The following SPHKAP variants were observed in gnomAD, a reference collection of about 807,000 sequenced individuals.
SPHKAP encodes the protein A-kinase anchor protein SPHKAP.
In SPHKAP, 67 loss-of-function variants were observed where a neutral mutation model predicts 137.5. The observed-to-expected ratio is 0.49, with a 90% CI of 0.40 to 0.60. SPHKAP has a LOEUF of 0.60. Among genes scored for constraint, SPHKAP ranks in the 20% least tolerant of loss-of-function variants. SPHKAP has a pLI of 0.00. For synonymous variants in SPHKAP, 813 were observed against 785.3 expected (o/e 1.04, Z -0.59); for missense variants, 2,097 against 2,069.3 (o/e 1.01, Z -0.26).
Position 228,123,610 on chromosome 2 carries a change from C to A in SPHKAP, c.138+8370G>T, listed in dbSNP as rs565189220. On this transcript the variant is annotated intron_variant, in intron 2 of 11. Coordinates refer to ENST00000392056, the MANE Select transcript of SPHKAP (RefSeq NM_001142644.2). ...GAAACACAGTGAAAGTACTTCTTAGCTTCTCAGAATTATTGGTGGGGCTCT... is the reference window on the plus strand; with the variant it reads ...GAAACACAGTGAAAGTACTTCTTAGATTCTCAGAATTATTGGTGGGGCTCT... Among the ~76,000 whole-genome samples, 3 of 152,266 alleles carry A rather than the reference C, an allele frequency of 2.0e-5. No individual in the cohort carries two copies. The South Asian group carries it at 6.2e-4, about 32-fold the overall frequency.
chr2:228,003,380 A>G (rs1314345834), intron 7 of SPHKAP, among the ~76,000 whole-genome samples: 1 of 152,152 alleles, frequency 6.6e-6, no homozygotes, highest in Non-Finnish European at 1.5e-5. Flanking sequence ...TTATTGGTGT[A>G]TAAGAATGCT....
chr2:228,181,440 G>T lies in SPHKAP; in HGVS notation c.32+127C>A. On this transcript the variant is annotated intron_variant, in intron 1 of 11. Transcript: ENST00000392056. The surrounding 1 kb of genome is among the most constrained non-coding windows in gnomAD (Gnocchi z 4.3). ...GGCCGGACTTATTTACAAGTGCAGT[G>T]ACCCCTGTCTCCTCGCTGGGAGCCC... 1 of 1,297,852 alleles carries T rather than the reference G, an allele frequency of 7.7e-7. No homozygotes were observed. Among genetic ancestry groups the T allele is most frequent in the Non-Finnish European group, 1.1e-6 (1 of 895,534 alleles). The allele number at this position is 1,297,852 out of a possible 1,614,324, so 80.4% of individuals were successfully genotyped here. A position where few individuals can be genotyped will look rare whatever the true frequency, so the allele number is the denominator to read the frequency against.
chr2:228,170,299 C>G (rs937204964), intron 1 of SPHKAP, among the ~76,000 whole-genome samples: 6 of 152,134 alleles, frequency 3.9e-5, no homozygotes, highest in Non-Finnish European at 8.8e-5. Flanking sequence ...GTTTAGAAAA[C>G]TTAATTTGAT....
At chr2:228,118,604 A>C (rs1698797853) in intron 2 of SPHKAP, among the ~76,000 whole-genome samples, 1 of 151,978 alleles carries the variant, frequency 6.6e-6, no homozygotes, top group African/African-American at 2.4e-5. Context: ...GGTTTGTTTT[A>C]CTTTCCATTT....
At chr2:228,007,985 T>C (rs1220956863) in intron 7 of SPHKAP, among the ~76,000 whole-genome samples, 2 of 152,182 alleles carry the variant, frequency 1.3e-5, no homozygotes, top group Non-Finnish European at 2.9e-5. Context: ...GAAAAACTCC[T>C]TGACTTAAAC....
At position 228,018,553 on chromosome 2, in the gene SPHKAP, T is replaced by G; in HGVS notation, c.2301A>C (p.Glu767Asp). 1.2e-6 allele frequency: 2 copies of G among 1,613,800 alleles called. No individual in the cohort carries two copies. Among genetic ancestry groups the G allele is most frequent in the Non-Finnish European group, 1.7e-6 (2 of 1,179,806 alleles). Reference protein sequence around the residue: ...GASQAWTKATESSSSSPLSNS... With the variant: ...GASQAWTKATDSSSSSPLSNS... ...TGCTAAGTGGAGAGCTGCTGGAGGA[T>G]TCAGTGGCTTTTGTCCAAGCTTGAC... Residue 767 changes from glutamate (E) to aspartate (D), a missense_variant, in exon 7 of 12, where the codon GAA becomes GAC. Glu to Asp is a conservative substitution (Grantham distance 45, BLOSUM62 2). Transcript: ENST00000392056.
At chr2:228,030,127 C>T (rs1174932002) in intron 3 of SPHKAP, among the ~76,000 whole-genome samples, 1 of 152,192 alleles carries the variant, frequency 6.6e-6, no homozygotes, top group Non-Finnish European at 1.5e-5. Context: ...CTTGCTTATA[C>T]TTCTCATGCA....
chr2:227,996,775 C>T lies in SPHKAP; in HGVS notation c.4449-1081G>A, dbSNP rs149613337. ...GCAGTCTTCCAATTTCTCCTCTTTG[C>T]CCTTTACATTCAATAAATTTCTTTG... On this transcript the variant is annotated intron_variant, in intron 7 of 11. Transcript: ENST00000392056. 5.8e-3 allele frequency among the ~76,000 whole-genome samples: 886 copies of T among 152,314 alleles called. 8 individuals carry two copies. Among genetic ancestry groups the T allele is most frequent in the African/African-American group, 0.02 (847 of 41,568 alleles).
chr2:228,023,259 T>C (rs1694908324), intron 5 of SPHKAP, among the ~76,000 whole-genome samples: 1 of 152,220 alleles, frequency 6.6e-6, no homozygotes. Context: ...AAAATTCCCC[T>C]AAATGCATAT....
intron 2 of SPHKAP, among the ~76,000 whole-genome samples, chr2:228,117,757 A>G (rs560628536): frequency 6.6e-6 from 1 of 151,798 alleles, no homozygotes; most frequent in East Asian, 1.9e-4. Context: ...CCTCAAATCC[A>G]TCCTTCTCCT....
chr2:228,170,100 A>T (rs1432021382), intron 1 of SPHKAP, among the ~76,000 whole-genome samples: 1 of 152,114 alleles, frequency 6.6e-6, no homozygotes, highest in Non-Finnish European at 1.5e-5. Flanking sequence ...ATTTGATAGA[A>T]ATAGTAAGAA....
chr2:228,072,808 T>C (rs1697045672), intron 3 of SPHKAP, among the ~76,000 whole-genome samples: 1 of 152,224 alleles, frequency 6.6e-6, no homozygotes, highest in Non-Finnish European at 1.5e-5. Flanking sequence ...GTCTCAGTTT[T>C]GCAGCCCAGG....
chr2:228,016,332 A>T, intron 7 of SPHKAP, 74 bp downstream of exon 7: 1 of 1,487,960 alleles, frequency 6.7e-7, no homozygotes, highest in Non-Finnish European at 8.9e-7. Flanking sequence ...TATGTCTAAA[A>T]TTTAGACTAA....
At chr2:228,134,622 G>A (rs1001180896) in intron 1 of SPHKAP, among the ~76,000 whole-genome samples, 1 of 152,192 alleles carries the variant, frequency 6.6e-6, no homozygotes, top group East Asian at 1.9e-4. Context: ...TTATTGTTAG[G>A]TTCTAAATAG....
At chr2:228,062,622 G>C (rs1305050921) in intron 3 of SPHKAP, among the ~76,000 whole-genome samples, 1 of 151,406 alleles carries the variant, frequency 6.6e-6, no homozygotes, top group Non-Finnish European at 1.5e-5. Context: ...AAAATAAAAT[G>C]CCAAAGCTGT....
chr2:227,992,008 T>C (rs1034581184), intron 9 of SPHKAP, among the ~76,000 whole-genome samples: 4 of 152,074 alleles, frequency 2.6e-5, no homozygotes, highest in Non-Finnish European at 5.9e-5. Flanking sequence ...ATATTGGAGG[T>C]GTTTTCATAT....
intron 1 of SPHKAP, among the ~76,000 whole-genome samples, chr2:228,137,980 A>G (rs958053249): frequency 1.3e-5 from 2 of 152,142 alleles, no homozygotes; most frequent in Non-Finnish European, 2.9e-5. Context: ...CTTCTAACCA[A>G]TCTTGACAAA....
chr2:228,086,759 G>A (rs1000146150), intron 3 of SPHKAP, among the ~76,000 whole-genome samples: 3 of 152,128 alleles, frequency 2.0e-5, no homozygotes, highest in Non-Finnish European at 4.4e-5. Context: ...TCTCCTCAAA[G>A]GAACTAAGTG....
chr2:228,013,392 G>A (rs1019656844), intron 7 of SPHKAP, among the ~76,000 whole-genome samples: 5 of 152,032 alleles, frequency 3.3e-5, no homozygotes, highest in African/African-American at 1.2e-4. Context: ...CTGGGAAGGT[G>A]CCCTCCACCA....
Sources: allele counts gnomAD v4.1 joint callset (sites outside exome capture counted in the v4.1 genomes callset), GRCh38; gene constraint gnomAD v4.1.1; non-coding constraint Gnocchi (gnomAD v3.1); transcripts MANE v1.5; gene names NCBI Gene and HGNC (gene_info 2026-07-23, HGNC 2026-07-21).